RIN2: variants seen among roughly 807,000 people sequenced by gnomAD.
The protein encoded by RIN2 is Ras and Rab interactor 2.
A neutral mutation model predicts 78.0 loss-of-function variants in RIN2; 36 were observed. The ratio of observed to expected loss-of-function variants is 0.46; its 90% CI spans 0.35 to 0.61. The LOEUF (loss-of-function observed/expected upper bound fraction) is 0.61. Ranked by LOEUF, RIN2 falls within the 20% of genes least tolerant of loss-of-function variation. The probability of loss-of-function intolerance (pLI) is 0.00; values close to 1 mark genes in which losing one functional copy is unlikely to be tolerated. For synonymous variants in RIN2, 466 were observed against 466.8 expected, an observed-to-expected ratio of 1.00 and a Z score of 0.02; for missense variants, 1,087 against 1,159.7, an observed-to-expected ratio of 0.94 and a Z score of 0.91.
Position 19,837,638 on chromosome 20 carries a change from C to T in RIN2, c.-37+37891C>T, listed in dbSNP as rs559654490. Reference sequence around the variant, plus strand: ...TTATAAATTCTTAGCAAATGATAAGCCAAGCTTTTGCTTTGCTTTTTAATT... The same window carrying T: ...TTATAAATTCTTAGCAAATGATAAGTCAAGCTTTTGCTTTGCTTTTTAATT... On this transcript the variant is annotated intron_variant, in intron 2 of 12. Transcript: ENST00000255006. Among the ~76,000 whole-genome samples the T allele has an allele frequency of 3.9e-5, 6 of 152,182 alleles. No individual in the cohort carries two copies. The East Asian group carries it at 7.7e-4, about 20-fold the overall frequency.
chr20:19,899,914 A>G (rs2038904433), intron 3 of RIN2, among the ~76,000 whole-genome samples: 2 of 152,310 alleles, frequency 1.3e-5, no homozygotes, highest in South Asian at 4.1e-4. Flanking sequence ...CACTGGGAAC[A>G]TCTTAGGGAG....
intron 11 of RIN2, 80 bp downstream of exon 11, chr20:19,992,379 C>T (rs2042823280): frequency 7.4e-7 from 1 of 1,343,560 alleles, no homozygotes; most frequent in African/African-American, 1.5e-5. Context: ...ATTCATGTCA[C>T]ATAACATTAA....
rs560514091 is a variant in RIN2, at chr20:19,906,342, C to T, written c.57+16684C>T. Among the ~76,000 whole-genome samples the T allele has an allele frequency of 6.8e-4, 104 of 152,006 alleles. 1 individual carries two copies. The highest frequency in any genetic ancestry group is 2.8e-4 in the Non-Finnish European group (19 of 67,958). ...CATGCACCTGTAGCCCTAGCTACCC[C>T]GGAGGCTGAGATGGGAGGATTGCTT... On this transcript the variant is annotated intron_variant, in intron 3 of 12. Transcript: ENST00000255006.
Position 20,000,666 on chromosome 20 carries a change from C to A in RIN2, c.2418C>A (p.Thr806=), listed in dbSNP as rs114329888. The A allele has an allele frequency of 3.6e-4, 574 of 1,611,588 alleles. 2 individuals carry two copies. In the African/African-American group the frequency reaches 7.2e-3, roughly 20 times the overall value. Residue 806 remains threonine (T), a synonymous_variant, in exon 13 of 13, where the codon ACC becomes ACA. Transcript: ENST00000255006. The stretch of plus-strand genomic sequence containing the variant: ...TCAACAGTGGTTGCACAGGAAAGAC[C>A]CTCCTTGTGAGACCTTACATCACCA... The part of the protein sequence containing the change: ...QEVNSGCTGK[T]LLVRPYITTE...
intron 2 of RIN2, among the ~76,000 whole-genome samples, chr20:19,836,568 T>C (rs1047671522): frequency 6.6e-6 from 1 of 152,154 alleles, no homozygotes. Flanking sequence ...TGGATAGAAT[T>C]TCTAATCTAC....
At chr20:19,918,912 C>T (rs1245930458) in intron 3 of RIN2, among the ~76,000 whole-genome samples, 2 of 152,198 alleles carry the variant, frequency 1.3e-5, no homozygotes, top group African/African-American at 4.8e-5. Context: ...GCTGTAAGAA[C>T]AGCCTTTGGT....
chr20:19,918,980 C>T (rs1268070365), intron 3 of RIN2, among the ~76,000 whole-genome samples: 1 of 152,234 alleles, frequency 6.6e-6, no homozygotes, highest in African/African-American at 2.4e-5. Flanking sequence ...ACTCAAGCTA[C>T]TCTCCAATGG....
At chr20:19,854,853 C>T (rs1444358334) in intron 2 of RIN2, among the ~76,000 whole-genome samples, 1 of 152,130 alleles carries the variant, frequency 6.6e-6, no homozygotes, top group Non-Finnish European at 1.5e-5. Context: ...TCCTCTTTTC[C>T]TAATTGAATA....
chr20:19,848,287 C>T (rs763760632), intron 2 of RIN2, among the ~76,000 whole-genome samples: 2 of 152,034 alleles, frequency 1.3e-5, no homozygotes, highest in Non-Finnish European at 2.9e-5. Context: ...GTAATCCCAG[C>T]ACTTTGGGAG....
chr20:19,834,496 T>G (rs1234446978), intron 2 of RIN2, among the ~76,000 whole-genome samples: 1 of 152,082 alleles, frequency 6.6e-6, no homozygotes, highest in Non-Finnish European at 1.5e-5. Flanking sequence ...TCCCACCCAG[T>G]GCGACGCTCT....
At chr20:19,920,225 G>C (rs752297027) in intron 3 of RIN2, among the ~76,000 whole-genome samples, 2 of 152,056 alleles carry the variant, frequency 1.3e-5, no homozygotes, top group Admixed American at 6.5e-5. Context: ...GAACCCGGGA[G>C]GGGGAGCTTG....
chr20:19,835,701 AG>A (rs147819918), intron 2 of RIN2, among the ~76,000 whole-genome samples: 9,757 of 152,290 alleles, frequency 0.064, 325 homozygotes, highest in South Asian at 0.16. Flanking sequence ...GCTTTGCTTA[AG>A]TAACAGCAAA....
intron 1 of RIN2, among the ~76,000 whole-genome samples, chr20:19,765,165 A>C (rs943547494): frequency 6.6e-6 from 1 of 151,664 alleles, no homozygotes; most frequent in Admixed American, 6.6e-5. Context: ...CTGCCCTTTT[A>C]TCTTCTCCCC....
chr20:19,897,982 G>A (rs1451468129), intron 3 of RIN2, among the ~76,000 whole-genome samples: 1 of 152,172 alleles, frequency 6.6e-6, no homozygotes, highest in Non-Finnish European at 1.5e-5. Context: ...CCAAAGTGCT[G>A]GGATTATTGG....
chr20:19,978,033 C>T (rs2042334992), intron 9 of RIN2, among the ~76,000 whole-genome samples: 1 of 152,126 alleles, frequency 6.6e-6, no homozygotes, highest in East Asian at 1.9e-4. Context: ...AGGAAAGATG[C>T]GACCCTAACT....
At chr20:19,765,997 G>A (rs954054615) in intron 1 of RIN2, among the ~76,000 whole-genome samples, 4 of 152,114 alleles carry the variant, frequency 2.6e-5, no homozygotes, top group African/African-American at 4.8e-5. Flanking sequence ...CTAGGTTGAC[G>A]GAGGCGCTTT....
chr20:19,866,771 G>C (rs969088646), intron 2 of RIN2, among the ~76,000 whole-genome samples: 1 of 151,878 alleles, frequency 6.6e-6, no homozygotes, highest in Non-Finnish European at 1.5e-5. Context: ...ATTACAGGCA[G>C]GCACCACCAC....
chr20:19,982,049 G>A (rs2042470352), intron 9 of RIN2, among the ~76,000 whole-genome samples: 1 of 152,162 alleles, frequency 6.6e-6, no homozygotes, highest in African/African-American at 2.4e-5. Flanking sequence ...CTCATGCTGG[G>A]GACTTCAGGT....
At chr20:19,877,781 G>C (rs1275705208) in intron 2 of RIN2, among the ~76,000 whole-genome samples, 1 of 152,136 alleles carries the variant, frequency 6.6e-6, no homozygotes, top group Admixed American at 6.5e-5. Flanking sequence ...CACTTTGGGA[G>C]GCTGAGGTGG....
Sources: gnomAD v4.1 joint callset for allele counts (sites outside exome capture counted in the v4.1 genomes callset) on GRCh38, gnomAD v4.1.1 for gene constraint, MANE v1.5 for transcripts, NCBI Gene and HGNC (gene_info 2026-07-23, HGNC 2026-07-21) for gene names.